The following NOS1AP variants were observed in gnomAD, a reference collection of about 807,000 sequenced individuals.
NOS1AP encodes the protein nitric oxide synthase 1 adaptor protein.
A neutral mutation model predicts 56.2 loss-of-function variants in NOS1AP; 21 were observed. The observed-to-expected ratio is 0.37, with a 90% confidence interval of 0.26 to 0.54. NOS1AP has a LOEUF of 0.54. Ranked by LOEUF, NOS1AP falls within the 20% of genes least tolerant of loss-of-function variation. NOS1AP has a pLI of 0.84. For synonymous variants in NOS1AP, 270 were observed against 274.6 expected, an observed-to-expected ratio of 0.98 and a Z score of 0.17; for missense variants, 522 against 657.8, an observed-to-expected ratio of 0.79 and a Z score of 2.26.
intron 2 of NOS1AP, among the ~76,000 whole-genome samples, chr1:162,155,865 A>T (rs1649951949): frequency 6.6e-6 from 1 of 152,246 alleles, no homozygotes; most frequent in South Asian, 2.1e-4. Context: ...ATGATTGGTC[A>T]TCCCTGGATG....
chr1:162,315,555 C>T lies in NOS1AP; in HGVS notation c.344+14849C>T, dbSNP rs559617894. On this transcript the variant is annotated intron_variant, in intron 4 of 9. Coordinates refer to ENST00000361897, the MANE Select transcript of NOS1AP (RefSeq NM_014697.3). ...CAAACTGGAGAGGTGAGGATGACTG[C>T]GAGGTCCAGAGGGTTAAGCACAGAA... 8.8e-4 allele frequency among the ~76,000 whole-genome samples: 134 copies of T among 152,198 alleles called. 1 individual carries two copies. Among genetic ancestry groups the T allele is most frequent in the Middle Eastern group, 6.8e-3 (2 of 294 alleles).
At chr1:162,205,633 C>T (rs146440890) in intron 2 of NOS1AP, among the ~76,000 whole-genome samples, 10 of 152,244 alleles carry the variant, frequency 6.6e-5, no homozygotes, top group African/African-American at 9.6e-5. Flanking sequence ...GGGAGTATTC[C>T]GGTGTCATCA....
intron 1 of NOS1AP, among the ~76,000 whole-genome samples, chr1:162,105,156 G>A (rs181803835): frequency 1.1e-3 from 165 of 152,328 alleles, no homozygotes; most frequent in African/African-American, 3.8e-3. Context: ...CCATTCTCCT[G>A]TAGCACTGCT....
rs531888119 is a variant in NOS1AP at position 162,219,263 on chromosome 1, G to A, written c.177+64787G>A. 3.9e-5 allele frequency among the ~76,000 whole-genome samples: 6 copies of A among 152,312 alleles called. No homozygotes were observed. The South Asian group carries it at 1.2e-3, about 32-fold the overall frequency. On this transcript the variant is annotated intron_variant, in intron 2 of 9. Coordinates refer to ENST00000361897, the MANE Select transcript of NOS1AP (RefSeq NM_014697.3). Reference sequence around the variant, plus strand: ...AGCTTTGAACAGTGCCTGGCTCATGGCAAGTGCTTAGCAATAGTAGCTATT... The same window carrying A: ...AGCTTTGAACAGTGCCTGGCTCATGACAAGTGCTTAGCAATAGTAGCTATT...
chr1:162,147,173 C>CA (rs1649498571), intron 1 of NOS1AP, among the ~76,000 whole-genome samples: 1 of 151,482 alleles, frequency 6.6e-6, no homozygotes, highest in Non-Finnish European at 1.5e-5. Flanking sequence ...ATGAAAAATA[C>CA]AAAAAATTAG....
At chr1:162,256,338 T>C (rs956381997) in intron 2 of NOS1AP, among the ~76,000 whole-genome samples, 2 of 152,214 alleles carry the variant, frequency 1.3e-5, no homozygotes, top group Non-Finnish European at 2.9e-5. Flanking sequence ...TTGTTTTCCT[T>C]ACATTGGCTT....
intron 2 of NOS1AP, among the ~76,000 whole-genome samples, chr1:162,276,264 A>G (rs774172837): frequency 3.9e-5 from 6 of 152,274 alleles, no homozygotes; most frequent in Middle Eastern, 6.8e-3. Flanking sequence ...ACCCAAGTTC[A>G]TTTGTTGTCA....
intron 2 of NOS1AP, among the ~76,000 whole-genome samples, chr1:162,194,825 C>G (rs955671257): frequency 6.6e-6 from 1 of 152,128 alleles, no homozygotes; most frequent in Non-Finnish European, 1.5e-5. Context: ...CATTTTTATT[C>G]TAGGAGAGCC....
At chr1:162,312,524 T>G (rs1656073476) in intron 4 of NOS1AP, among the ~76,000 whole-genome samples, 2 of 137,086 alleles carry the variant, frequency 1.5e-5, no homozygotes, top group South Asian at 2.6e-4. Context: ...TTTCTCCCAT[T>G]TTGTAGGTTG....
At chr1:162,335,138 T>C (rs143924952) in intron 5 of NOS1AP, among the ~76,000 whole-genome samples, 1 of 152,262 alleles carries the variant, frequency 6.6e-6, no homozygotes, top group African/African-American at 2.4e-5. Flanking sequence ...ATCATGTCAA[T>C]TTTTTTTCCA....
intron 3 of NOS1AP, among the ~76,000 whole-genome samples, chr1:162,294,228 A>AGGG (rs1655377865): frequency 9.5e-6 from 1 of 105,536 alleles, no homozygotes; most frequent in African/African-American, 4.1e-5. Flanking sequence ...AGGAAGGAAG[A>AGGG]AAGAAAGGAA....
At chr1:162,275,963 T>A (rs1654715943) in intron 2 of NOS1AP, among the ~76,000 whole-genome samples, 1 of 152,232 alleles carries the variant, frequency 6.6e-6, no homozygotes, top group Admixed American at 6.5e-5. Flanking sequence ...TCTGGCCCAC[T>A]GAGCGCCTTT....
chr1:162,113,317 C>T (rs1294964448), intron 1 of NOS1AP, among the ~76,000 whole-genome samples: 3 of 152,154 alleles, frequency 2.0e-5, no homozygotes, highest in South Asian at 2.1e-4. Context: ...AGGACGTCCA[C>T]ACCTCAAGCC....
chr1:162,338,716 T>A (rs1657013481), intron 5 of NOS1AP: 1 of 152,196 alleles, frequency 6.6e-6, no homozygotes. Flanking sequence ...TGTACTTTGA[T>A]GGGAGAAAAT....
intron 6 of NOS1AP, among the ~76,000 whole-genome samples, chr1:162,353,610 T>C (rs1278913638): frequency 6.6e-6 from 1 of 152,194 alleles, no homozygotes; most frequent in African/African-American, 2.4e-5. Flanking sequence ...TTAGGAAACA[T>C]GAATGAGACA....
At chr1:162,180,197 C>T (rs1157037515) in intron 2 of NOS1AP, among the ~76,000 whole-genome samples, 1 of 152,042 alleles carries the variant, frequency 6.6e-6, no homozygotes, top group Non-Finnish European at 1.5e-5. Flanking sequence ...GTGCCAGGCC[C>T]TTGTGTAGCC....
At chr1:162,216,922 C>CA (rs1389523018) in intron 2 of NOS1AP, among the ~76,000 whole-genome samples, 1 of 152,134 alleles carries the variant, frequency 6.6e-6, no homozygotes, top group Non-Finnish European at 1.5e-5. Flanking sequence ...GATGAGTTAA[C>CA]ACATATAGCA....
In NOS1AP at chr1:162,370,221, C is replaced by G. The variant is rs1043540132; in HGVS notation, c.*2754C>G. On this transcript the variant is annotated 3_prime_UTR_variant, in exon 10 of 10. Coordinates refer to ENST00000361897, the MANE Select transcript of NOS1AP (RefSeq NM_014697.3). ...ATATTCCTGCTTATATCAATGCTCT[C>G]TCTGTAAAACCTCTTCCTAGCCTCA... 4 of 152,200 alleles carry G rather than the reference C, an allele frequency of 2.6e-5. No individual in the cohort carries two copies. Among genetic ancestry groups the G allele is most frequent in the African/African-American group, 9.7e-5 (4 of 41,444 alleles). The allele number at this position is 152,200 out of a possible 1,614,324, so 9.4% of individuals were successfully genotyped here. A position where few individuals can be genotyped will look rare whatever the true frequency, so the allele number is the denominator to read the frequency against.
chr1:162,083,346 C>T (rs1691933461), intron 1 of NOS1AP, among the ~76,000 whole-genome samples: 1 of 152,170 alleles, frequency 6.6e-6, no homozygotes, highest in Non-Finnish European at 1.5e-5. Context: ...AACATATTAT[C>T]TTGAGTCCAT....
Sources: allele counts gnomAD v4.1 joint callset (sites outside exome capture counted in the v4.1 genomes callset), GRCh38; gene constraint gnomAD v4.1.1; transcripts MANE v1.5; gene names NCBI Gene and HGNC (gene_info 2026-07-23, HGNC 2026-07-21).